Variants in GABRB1 observed in about 807,000 individuals in gnomAD.
The protein encoded by GABRB1 is gamma-aminobutyric acid type A receptor subunit beta1, also known as gamma-aminobutyric acid receptor subunit beta-1.
A neutral mutation model predicts 51.6 loss-of-function variants in GABRB1; 17 were observed. The ratio of observed to expected loss-of-function variants is 0.33; its 90% CI spans 0.23 to 0.49. The LOEUF (loss-of-function observed/expected upper bound fraction) is 0.49, where lower values mean the gene tolerates loss of function less well. Among genes scored for constraint, GABRB1 ranks in the 20% least tolerant of loss-of-function variants. GABRB1 has a pLI of 0.99. For synonymous variants in GABRB1, 247 were observed against 218.9 expected (o/e 1.13, Z -1.14); for missense variants, 410 against 600.6 (o/e 0.68, Z 3.32).
At chr4:47,027,038 T>A (rs752217084), upstream of GABRB1, among the ~76,000 whole-genome samples, 17 of 151,732 alleles carry the variant, frequency 1.1e-4, no homozygotes, top group Non-Finnish European at 2.2e-4. Flanking sequence ...ACTAGATATG[T>A]CAAGTGTTTA....
chr4:47,387,699 T>C lies in GABRB1; in HGVS notation c.545-15619T>C, dbSNP rs186064290. On this transcript the variant is annotated intron_variant, in intron 5 of 8. Transcript: ENST00000295454. The stretch of plus-strand genomic sequence containing the variant: ...CAGTCACTCCAAGAATGTCATGACT[T>C]GGGCAGGCATGGGGGGATCTCATCC... 3.9e-5 allele frequency among the ~76,000 whole-genome samples: 6 copies of C among 152,258 alleles called. No individual in the cohort carries two copies. The East Asian group carries it at 7.7e-4, about 20-fold the overall frequency.
chr4:47,043,998 C>T (rs555993109), intron 3 of GABRB1, among the ~76,000 whole-genome samples: 2 of 152,204 alleles, frequency 1.3e-5, no homozygotes, highest in South Asian at 2.1e-4. Flanking sequence ...TTATTTCATA[C>T]GTTTTCCCAG....
chr4:47,075,773 G>A (rs371091993), intron 3 of GABRB1, among the ~76,000 whole-genome samples: 10 of 152,062 alleles, frequency 6.6e-5, no homozygotes, highest in African/African-American at 9.7e-5. Context: ...TAAGAGATTC[G>A]GCACATTTAT....
chr4:47,380,070 GGT>G (rs72068212), intron 5 of GABRB1, among the ~76,000 whole-genome samples: 18,985 of 151,938 alleles, frequency 0.12, 1,268 homozygotes, highest in Middle Eastern at 0.27. Flanking sequence ...TTTGATATAG[GGT>G]GTTATTTAAT....
At chr4:47,070,584 G>T (rs1028016984) in intron 3 of GABRB1, among the ~76,000 whole-genome samples, 11 of 151,918 alleles carry the variant, frequency 7.2e-5, no homozygotes, top group Non-Finnish European at 1.3e-4. Flanking sequence ...CAACTGCCTC[G>T]ACCTCCCAAA....
At chr4:47,413,857 A>G (rs1728835328) in intron 8 of GABRB1, among the ~76,000 whole-genome samples, 1 of 152,204 alleles carries the variant, frequency 6.6e-6, no homozygotes, top group South Asian at 2.1e-4. Context: ...AGACATTCGG[A>G]GAGTTTCAAC....
chr4:47,273,198 C>G (rs1449658572), intron 4 of GABRB1, among the ~76,000 whole-genome samples: 1 of 152,160 alleles, frequency 6.6e-6, no homozygotes, highest in African/African-American at 2.4e-5. Flanking sequence ...TTCCATCTAT[C>G]ATGTTATACA....
At chr4:47,115,370 T>TA (rs1360222110) in intron 3 of GABRB1, among the ~76,000 whole-genome samples, 1 of 152,160 alleles carries the variant, frequency 6.6e-6, no homozygotes, top group Admixed American at 6.6e-5. Context: ...TTTTCACTTA[T>TA]TCTATCTTGT....
intron 3 of GABRB1, among the ~76,000 whole-genome samples, chr4:47,132,382 TTTTGGTTTGTTTTGGTTTGG>T (rs1291264459): frequency 2.6e-5 from 3 of 113,518 alleles, no homozygotes; most frequent in Non-Finnish European, 5.4e-5. Context: ...CGTTTGTTTG[TTTTGGTTTGTTTTGGTTTGG>T]TTTGGTTTGG....
chr4:47,416,583 C>G (rs1371697472), intron 8 of GABRB1, among the ~76,000 whole-genome samples: 2 of 151,796 alleles, frequency 1.3e-5, no homozygotes, highest in South Asian at 2.1e-4. Flanking sequence ...CCCTGAGTAG[C>G]TGGGACTACA....
chr4:47,401,819 TCTAG>T (rs1286715950), intron 5 of GABRB1, among the ~76,000 whole-genome samples: 508 of 42,226 alleles, frequency 0.012, 4 homozygotes, highest in African/African-American at 0.049. Flanking sequence ...TATCTATCTA[TCTAG>T]CTATCTATCT....
chr4:47,113,152 A>T (rs1041724802), intron 3 of GABRB1, among the ~76,000 whole-genome samples: 2 of 152,094 alleles, frequency 1.3e-5, no homozygotes, highest in African/African-American at 4.8e-5. Flanking sequence ...TTGGGAAGCC[A>T]AGGTGGGCAG....
intron 5 of GABRB1, among the ~76,000 whole-genome samples, chr4:47,395,313 C>T (rs1728143877): frequency 6.6e-6 from 1 of 152,168 alleles, no homozygotes; most frequent in Non-Finnish European, 1.5e-5. Flanking sequence ...GCAAGCATGT[C>T]TTACCATGGT....
chr4:47,218,007 C>A (rs1428361399), intron 4 of GABRB1, among the ~76,000 whole-genome samples: 1 of 151,770 alleles, frequency 6.6e-6, no homozygotes, highest in Non-Finnish European at 1.5e-5. Flanking sequence ...CCCTTCCCAG[C>A]CCCTGGTAAC....
chr4:47,031,743 T>G lies in GABRB1; in HGVS notation c.80+12T>G. On this transcript the variant is annotated intron_variant, in intron 1 of 8. Transcript: ENST00000295454. ...TGTTGTGCACACAGGTGAGCTGCTG[T>G]TGTTGAATCTCGCTCTCTCTCTCTC... The G allele has an allele frequency of 6.3e-7, 1 of 1,598,284 alleles. No homozygotes were observed. The highest frequency in any genetic ancestry group is 1.4e-5 in the African/African-American group (1 of 70,934).
At chr4:47,141,290 A>G (rs1292409036) in intron 3 of GABRB1, among the ~76,000 whole-genome samples, 2 of 151,914 alleles carry the variant, frequency 1.3e-5, no homozygotes, top group African/African-American at 4.8e-5. Context: ...TTCTCTTTAT[A>G]AAGGTCAGCT....
intron 1 of GABRB1, among the ~76,000 whole-genome samples, chr4:46,996,336 C>G (rs919433682): frequency 3.3e-5 from 5 of 152,010 alleles, no homozygotes; most frequent in African/African-American, 4.8e-5. Flanking sequence ...ACACTATCCC[C>G]AAATATCATT....
chr4:47,350,218 TAG>T (rs59905765), intron 5 of GABRB1, among the ~76,000 whole-genome samples: 89 of 56,646 alleles, frequency 1.6e-3, no homozygotes, highest in African/African-American at 4.3e-3. Flanking sequence ...TATATATATA[TAG>T]AGAGAGAGAG....
intron 3 of GABRB1, among the ~76,000 whole-genome samples, chr4:47,078,680 T>A (rs1727677638): frequency 6.6e-6 from 1 of 152,190 alleles, no homozygotes; most frequent in African/African-American, 2.4e-5. Context: ...TGAGGATACC[T>A]TTTTCAGCTC....
Sources: allele counts gnomAD v4.1 joint callset (sites outside exome capture counted in the v4.1 genomes callset), GRCh38; gene constraint gnomAD v4.1.1; transcripts MANE v1.5; gene names NCBI Gene and HGNC (gene_info 2026-07-23, HGNC 2026-07-21).